WNT4: variants seen among roughly 807,000 people sequenced by gnomAD.
The protein encoded by WNT4 is protein Wnt-4.
Under a neutral mutation model 34.5 loss-of-function variants are expected in WNT4, and 16 were observed. The ratio of observed to expected loss-of-function variants is 0.46; its 90% CI spans 0.31 to 0.70. WNT4 has a LOEUF of 0.70. WNT4 is among the 30% of genes least tolerant of loss of function. WNT4 has a pLI of 0.04. For missense variants in WNT4, 379 were observed against 495.9 expected (o/e 0.76, Z 2.24); for synonymous variants, 200 against 211.9 (o/e 0.94, Z 0.49).
At position 22,140,733 on chromosome 1, in the gene WNT4, T is replaced by C. The variant is rs1646059855; in HGVS notation, c.77+2113A>G. Reference sequence around the variant, plus strand: ...GGTCCTGGGAAGCCTCTTGTTCCTCTTGCCTTGGGTGGAGCAGAGAGACCC... The same window carrying C: ...GGTCCTGGGAAGCCTCTTGTTCCTCCTGCCTTGGGTGGAGCAGAGAGACCC... On this transcript the variant is annotated intron_variant, in intron 1 of 4. Coordinates refer to ENST00000290167, the MANE Select transcript of WNT4 (RefSeq NM_030761.5). The surrounding 1 kb of genome is among the most constrained non-coding windows in gnomAD (Gnocchi z 5.9). Among the ~76,000 whole-genome samples, 1 of 152,204 alleles carries C rather than the reference T, an allele frequency of 6.6e-6. No homozygotes were observed. Among genetic ancestry groups the C allele is most frequent in the Non-Finnish European group, 1.5e-5 (1 of 68,024 alleles).
rs1480768944 is a variant in WNT4 at position 22,119,930 on chromosome 1, A to C, written c.*120T>G. 6 of 1,354,806 alleles carry C rather than the reference A, an allele frequency of 4.4e-6. No individual in the cohort carries two copies. In the African/African-American group the frequency reaches 5.8e-5, roughly 13 times the overall value. The allele number at this position is 1,354,806 out of a possible 1,614,324, so 83.9% of individuals were successfully genotyped here. A position where few individuals can be genotyped will look rare whatever the true frequency, so the allele number is the denominator to read the frequency against. The stretch of plus-strand genomic sequence containing the variant: ...GGCAATAAATAACATGAGGACCCAA[A>C]AACCAAACCAGAACAAAAAATACAA... On this transcript the variant is annotated 3_prime_UTR_variant, in exon 5 of 5. Coordinates refer to ENST00000290167, the MANE Select transcript of WNT4 (RefSeq NM_030761.5).
At chr1:22,131,561 T>C (rs1645983873) in intron 1 of WNT4, among the ~76,000 whole-genome samples, 1 of 152,182 alleles carries the variant, frequency 6.6e-6, no homozygotes, top group Non-Finnish European at 1.5e-5. Flanking sequence ...GATGTTTCCT[T>C]TTCCCCGTGG....
chr1:22,124,084 G>T (rs1486633841), intron 2 of WNT4, among the ~76,000 whole-genome samples: 5 of 152,220 alleles, frequency 3.3e-5, no homozygotes, highest in Admixed American at 1.3e-4. Flanking sequence ...CCAGGCTGGA[G>T]CCCTGCTCGC....
chr1:22,140,215 T>C lies in WNT4; in HGVS notation c.77+2631A>G. The stretch of plus-strand genomic sequence containing the variant: ...ATACCTCACACTTGAAAAGACACAG[T>C]GCCAGCCATCATGCCTGCATGGACA... On this transcript the variant is annotated intron_variant, in intron 1 of 4. Transcript: ENST00000290167. This position sits in a 1 kb window ranked among gnomAD's most constrained non-coding sequence, Gnocchi z 5.9. The C allele has an allele frequency of 1.0e-6, 1 of 985,380 alleles. No homozygotes were observed. Among genetic ancestry groups the C allele is most frequent in the Non-Finnish European group, 1.2e-6 (1 of 829,918 alleles). The allele number at this position is 985,380 out of a possible 1,614,324, so 61.0% of individuals were successfully genotyped here.
chr1:22,140,426 A>T lies in WNT4; in HGVS notation c.77+2420T>A, dbSNP rs571659941. ...CATCATAATAATTATTATTGTCATG[A>T]TCATACAGTCTTCAGACCAAGTCCC... On this transcript the variant is annotated intron_variant, in intron 1 of 4. Coordinates refer to ENST00000290167, the MANE Select transcript of WNT4 (RefSeq NM_030761.5). This position sits in a 1 kb window ranked among gnomAD's most constrained non-coding sequence, Gnocchi z 5.9. 1 of 301,118 alleles carries T rather than the reference A, an allele frequency of 3.3e-6. No homozygotes were observed. Among genetic ancestry groups the T allele is most frequent in the African/African-American group, 2.3e-5 (1 of 44,278 alleles). The allele number at this position is 301,118 out of a possible 1,614,324, so 18.7% of individuals were successfully genotyped here.
chr1:22,137,166 C>G lies in WNT4; in HGVS notation c.77+5680G>C, dbSNP rs967143536. Among the ~76,000 whole-genome samples, 5 of 152,212 alleles carry G rather than the reference C, an allele frequency of 3.3e-5. No individual in the cohort carries two copies. On this transcript the variant is annotated intron_variant, in intron 1 of 4. Transcript: ENST00000290167. This position sits in a 1 kb window ranked among gnomAD's most constrained non-coding sequence, Gnocchi z 5.3. The stretch of plus-strand genomic sequence containing the variant: ...TCCCGCTCTCTCCTCAGACCAGGTC[C>G]CCTCCTCTGCGGGGTCTGACTTGGC...
In WNT4 at chr1:22,119,221, TGTGTGTG is replaced by T. The variant is rs1557921055; in HGVS notation, c.*822_*828del. 1.4e-3 allele frequency: 192 copies of T among 139,602 alleles called. 1 individual carries two copies. The highest frequency in any genetic ancestry group is 3.5e-3 in the African/African-American group (115 of 33,080). The allele number at this position is 139,602 out of a possible 1,614,324, so 8.6% of individuals were successfully genotyped here. A position where few individuals can be genotyped will look rare whatever the true frequency, so the allele number is the denominator to read the frequency against. On this transcript the variant is annotated 3_prime_UTR_variant, in exon 5 of 5. Coordinates refer to ENST00000290167, the MANE Select transcript of WNT4 (RefSeq NM_030761.5). ...GTGTGTGTGTGTGTGTGTGTGTGTG[TGTGTGTG>T]TTTCAGTTTCATGGAGGAACAGCGC...
chr1:22,121,796 G>GA (rs1645900921), intron 2 of WNT4, among the ~76,000 whole-genome samples: 1 of 152,182 alleles, frequency 6.6e-6, no homozygotes, highest in Non-Finnish European at 1.5e-5. Context: ...CTTTTCAAAC[G>GA]TGCAGATGCT....
At chr1:22,128,714 A>G (rs1420203906) in intron 2 of WNT4, among the ~76,000 whole-genome samples, 2 of 147,722 alleles carry the variant, frequency 1.4e-5, no homozygotes, top group Non-Finnish European at 3.0e-5. Flanking sequence ...ACCACTTTCT[A>G]CTTTTTTTTT....
At position 22,142,757 on chromosome 1, in the gene WNT4, G is replaced by A. The variant is rs1445811407; in HGVS notation, c.77+89C>T. On this transcript the variant is annotated intron_variant, in intron 1 of 4. Coordinates refer to ENST00000290167, the MANE Select transcript of WNT4 (RefSeq NM_030761.5). This position sits in a 1 kb window ranked among gnomAD's most constrained non-coding sequence, Gnocchi z 6.0. Reference sequence around the variant, plus strand: ...CGAGACACCTGCCGGGCTGCCCCGCGCCCGCTGCCCCGCGCCGCCTGGCAC... The same window carrying A: ...CGAGACACCTGCCGGGCTGCCCCGCACCCGCTGCCCCGCGCCGCCTGGCAC... 2.2e-6 allele frequency: 2 copies of A among 892,674 alleles called. No homozygotes were observed. Among genetic ancestry groups the A allele is most frequent in the African/African-American group, 1.8e-5 (1 of 54,836 alleles). 55.3% of individuals were successfully genotyped at this position (892,674 alleles called of 1,614,324 possible).
chr1:22,121,539 C>A lies in WNT4; in HGVS notation c.351G>T (p.Ser117=). The A allele has an allele frequency of 2.5e-6, 4 of 1,613,934 alleles. No individual in the cohort carries two copies. The highest frequency in any genetic ancestry group is 3.4e-6 in the Non-Finnish European group (4 of 1,180,022). Residue 117 remains serine (S), a synonymous_variant, in exon 3 of 5, where the codon TCG becomes TCT. Transcript: ENST00000290167. ...REAAFVYAIS[S]AGVAFAVTRA... is the part of the protein sequence containing the mutation. Reference sequence around the variant, plus strand: ...GCGTCACTGCAAAGGCCACACCTGCCGAAGAGATGGCGTACACGAAGGCCG... The same window carrying A: ...GCGTCACTGCAAAGGCCACACCTGCAGAAGAGATGGCGTACACGAAGGCCG...
At position 22,129,894 on chromosome 1, in the gene WNT4, CT is replaced by C; in HGVS notation, c.78-44del. The C allele has an allele frequency of 2.5e-6, 4 of 1,606,486 alleles. No homozygotes were observed. The South Asian group carries it at 4.4e-5, about 18-fold the overall frequency. On this transcript the variant is annotated intron_variant, in intron 1 of 4. Coordinates refer to ENST00000290167, the MANE Select transcript of WNT4 (RefSeq NM_030761.5). ...CGTGATGCAGAGCCCACCTCCTCAT[CT>C]TTCCTGGCCCCGGACCAGGCCTGAG...
chr1:22,136,008 A>G (rs1020301027), intron 1 of WNT4, among the ~76,000 whole-genome samples: 2 of 152,116 alleles, frequency 1.3e-5, no homozygotes, highest in East Asian at 1.9e-4. Context: ...TACTTCCAGT[A>G]TCCTGGTACC....
chr1:22,126,551 G>A lies in WNT4; in HGVS notation c.313+3065C>T, dbSNP rs183948345. Among the ~76,000 whole-genome samples the A allele has an allele frequency of 1.3e-4, 20 of 152,326 alleles. No individual in the cohort carries two copies. In the East Asian group the frequency reaches 3.3e-3, roughly 25 times the overall value. On this transcript the variant is annotated intron_variant, in intron 2 of 4. Coordinates refer to ENST00000290167, the MANE Select transcript of WNT4 (RefSeq NM_030761.5). ...CTCAGTGTCACGAGGATGACCTGACGTGATAGCACACCACAGGCCCTCAGC... is the reference window on the plus strand; with the variant it reads ...CTCAGTGTCACGAGGATGACCTGACATGATAGCACACCACAGGCCCTCAGC...
chr1:22,131,428 A>G (rs991288444), intron 1 of WNT4, among the ~76,000 whole-genome samples: 6 of 152,106 alleles, frequency 3.9e-5, no homozygotes, highest in African/African-American at 1.4e-4. Context: ...TGCACCTGGG[A>G]GGCTAGGTGG....
chr1:22,121,127 T>C, intron 4 of WNT4, 84 bp downstream of exon 4: 2 of 1,556,920 alleles, frequency 1.3e-6, no homozygotes, highest in African/African-American at 1.6e-5. Context: ...AAATGTTTTC[T>C]GAGTGGCCGT....
chr1:22,139,529 G>A lies in WNT4; in HGVS notation c.77+3317C>T, dbSNP rs1369563303. On this transcript the variant is annotated intron_variant, in intron 1 of 4. Transcript: ENST00000290167. This position sits in a 1 kb window ranked among gnomAD's most constrained non-coding sequence, Gnocchi z 4.6. ...CAGCGTGGTCCCCCTCCCCTCACCCGTGGGATTCTGCTAGAACCCCGCTAC... is the reference window on the plus strand; with the variant it reads ...CAGCGTGGTCCCCCTCCCCTCACCCATGGGATTCTGCTAGAACCCCGCTAC... Among the ~76,000 whole-genome samples, 1 of 152,088 alleles carries A rather than the reference G, an allele frequency of 6.6e-6. No individual in the cohort carries two copies.
intron 2 of WNT4, among the ~76,000 whole-genome samples, chr1:22,124,469 C>T (rs944364267): frequency 3.9e-5 from 6 of 152,208 alleles, no homozygotes; most frequent in Admixed American, 2.6e-4. Flanking sequence ...GCTAAGGCTG[C>T]CTGGGGCTGG....
At chr1:22,133,159 C>G (rs2124124891) in intron 1 of WNT4, among the ~76,000 whole-genome samples, 1 of 152,226 alleles carries the variant, frequency 6.6e-6, no homozygotes, top group South Asian at 2.1e-4. Flanking sequence ...GCCCCATTTA[C>G]CTGCTGAGGG....
Sources: gnomAD v4.1 joint callset for allele counts (sites outside exome capture counted in the v4.1 genomes callset) on GRCh38, gnomAD v4.1.1 for gene constraint, Gnocchi (gnomAD v3.1) non-coding constraint, MANE v1.5 for transcripts, NCBI Gene and HGNC (gene_info 2026-07-23, HGNC 2026-07-21) for gene names.